Variants in BCR observed in about 807,000 individuals in gnomAD.
The protein encoded by BCR is BCR activator of RhoGEF and GTPase.
Under a neutral mutation model 138.6 loss-of-function variants are expected in BCR, and 58 were observed. The observed-to-expected ratio is 0.42, with a 90% CI of 0.34 to 0.52. The LOEUF (loss-of-function observed/expected upper bound fraction) is 0.52, where lower values mean the gene tolerates loss of function less well. Ranked by LOEUF, BCR falls within the 20% of genes least tolerant of loss-of-function variation. BCR has a pLI of 0.06. For synonymous variants in BCR, 786 were observed against 730.1 expected (o/e 1.08, Z -1.23); for missense variants, 1,599 against 1,727.2 (o/e 0.93, Z 1.32).
chr22:23,271,858 T>G (rs368691357), intron 6 of BCR, among the ~76,000 whole-genome samples: 2 of 148,670 alleles, frequency 1.3e-5, no homozygotes, highest in African/African-American at 4.9e-5. Flanking sequence ...CCCAGTGGCC[T>G]CATAAGGAGG....
chr22:23,244,858 C>G (rs181782097), intron 1 of BCR, among the ~76,000 whole-genome samples: 1 of 152,210 alleles, frequency 6.6e-6, no homozygotes, highest in Non-Finnish European at 1.5e-5. Flanking sequence ...GCCCTGCCCC[C>G]GCACCAGCCG....
chr22:23,313,532 G>C (rs1292370178), intron 20 of BCR, among the ~76,000 whole-genome samples: 2 of 152,200 alleles, frequency 1.3e-5, no homozygotes, highest in African/African-American at 4.8e-5. Context: ...TGCCCCTGTG[G>C]TGTCCAGGAC....
At chr22:23,269,624 C>T (rs553532162) in intron 5 of BCR, among the ~76,000 whole-genome samples, 1 of 152,206 alleles carries the variant, frequency 6.6e-6, no homozygotes, top group African/African-American at 2.4e-5. Context: ...GCACCCTGCT[C>T]CGCCAGGTGC....
chr22:23,212,970 C>T (rs566922666), intron 1 of BCR, among the ~76,000 whole-genome samples: 1 of 152,310 alleles, frequency 6.6e-6, no homozygotes, highest in African/African-American at 2.4e-5. Context: ...TGGGAGGCTG[C>T]CGGCCTCAAA....
chr22:23,271,809 A>C (rs1318605329), intron 6 of BCR, among the ~76,000 whole-genome samples: 1 of 152,170 alleles, frequency 6.6e-6, no homozygotes, highest in Non-Finnish European at 1.5e-5. Flanking sequence ...ATTAGCAACA[A>C]GGTGCTGCTT....
At chr22:23,237,863 C>G (rs1159335725) in intron 1 of BCR, among the ~76,000 whole-genome samples, 2 of 152,218 alleles carry the variant, frequency 1.3e-5, no homozygotes, top group Admixed American at 6.5e-5. Context: ...CAGCCTCACA[C>G]TGCATCCCCC....
At chr22:23,256,860 TG>T (rs1240467713) in intron 2 of BCR, among the ~76,000 whole-genome samples, 1 of 152,172 alleles carries the variant, frequency 6.6e-6, no homozygotes, top group African/African-American at 2.4e-5. Context: ...AAGCCCAGTT[TG>T]TTTTGTGGGT....
chr22:23,223,389 G>T (rs1294298878), intron 1 of BCR, among the ~76,000 whole-genome samples: 1 of 152,140 alleles, frequency 6.6e-6, no homozygotes, highest in Non-Finnish European at 1.5e-5. Flanking sequence ...TGGCCCATTG[G>T]GGGACAGGAG....
intron 1 of BCR, among the ~76,000 whole-genome samples, chr22:23,219,840 C>G (rs1299324710): frequency 6.6e-6 from 1 of 152,198 alleles, no homozygotes; most frequent in African/African-American, 2.4e-5. Context: ...GTTCTCTGTC[C>G]CCGACCTGCA....
Position 23,181,777 on chromosome 22 carries a change from C to G in BCR, c.817C>G (p.Pro273Ala). The change falls in exon 1 of 23, where the codon CCC (proline) becomes GCC (alanine). Residue 273 changes from proline to alanine, a missense_variant. Physicochemically the swap from Pro to Ala is conservative, Grantham distance 27 (BLOSUM62 -1). Transcript: ENST00000305877. Reference sequence around the variant, plus strand: ...TGGCGGTAGCAGGCCCCCTTGGCCGCCCCTGGAGTACCAGCCCTACCAGAG... The same window carrying G: ...TGGCGGTAGCAGGCCCCCTTGGCCGGCCCTGGAGTACCAGCCCTACCAGAG... ...ANGGSRPPWP[P>A]LEYQPYQSIY... The G allele has an allele frequency of 3.1e-6, 5 of 1,607,260 alleles. No individual in the cohort carries two copies. The highest frequency in any genetic ancestry group is 3.4e-6 in the Non-Finnish European group (4 of 1,179,978).
intron 12 of BCR, 76 bp from the exon 13 acceptor site, chr22:23,289,441 T>G (rs1010588515): frequency 8.0e-7 from 1 of 1,250,384 alleles, no homozygotes; most frequent in African/African-American, 1.5e-5. Flanking sequence ...GGGTGTGTGG[T>G]GGAGGTCCAG....
At chr22:23,292,778 G>T (rs560605549) in intron 15 of BCR, 140 bp downstream of exon 15, 24 of 641,684 alleles carry the variant, frequency 3.7e-5, no homozygotes, top group Admixed American at 2.7e-4. Context: ...ATCTCCTGGG[G>T]GGCCAGTAGG....
Position 23,256,011 on chromosome 22 carries a change from A to G in BCR, c.1461+2031A>G, listed in dbSNP as rs116559527. On this transcript the variant is annotated intron_variant, in intron 2 of 22. Transcript: ENST00000305877. Reference sequence around the variant, plus strand: ...CAGTGGTTGGGGCCCCAGGACGGGTACCCTTCACTGCTCTGGAGACAAGCA... The same window carrying G: ...CAGTGGTTGGGGCCCCAGGACGGGTGCCCTTCACTGCTCTGGAGACAAGCA... Among the ~76,000 whole-genome samples, 349 of 152,164 alleles carry G rather than the reference A, an allele frequency of 2.3e-3. 3 individuals are homozygous for G. Among genetic ancestry groups the G allele is most frequent in the African/African-American group, 8.0e-3 (333 of 41,524 alleles).
At chr22:23,263,653 G>T in intron 4 of BCR, 1 of 1,456,022 alleles carries the variant, frequency 6.9e-7, no homozygotes. Flanking sequence ...TGTCAGTGCA[G>T]GAGGAGATGG....
chr22:23,213,055 C>T (rs1002515473), intron 1 of BCR, among the ~76,000 whole-genome samples: 2 of 152,184 alleles, frequency 1.3e-5, no homozygotes, highest in African/African-American at 2.4e-5. Context: ...CGGAGTGCTG[C>T]TCCTGGGGAC....
At chr22:23,283,427 G>T (rs2073672994) in intron 8 of BCR, 1 of 152,834 alleles carries the variant, frequency 6.5e-6, no homozygotes, top group African/African-American at 2.4e-5. Flanking sequence ...AGTGCACTGG[G>T]CCTGTCTCCA....
Position 23,261,423 on chromosome 22 carries a change from C to T in BCR, c.1635C>T (p.Thr545=), listed in dbSNP as rs145536812. ...QPVLTSQQIE[T]IFFKVPELYE... is the part of the protein sequence containing the mutation. ...TGCTGACGAGTCAGCAGATCGAGAC[C>T]ATCTTCTTCAAAGTGCCTGAGCTCT... Residue 545 remains threonine (T), a synonymous_variant, in exon 4 of 23, where the codon ACC becomes ACT. Coordinates refer to ENST00000305877, the MANE Select transcript of BCR (RefSeq NM_004327.4). 2.2e-5 allele frequency: 36 copies of T among 1,613,804 alleles called. No individual in the cohort carries two copies. In the African/African-American group the frequency reaches 4.0e-4, roughly 18 times the overall value.
At chr22:23,285,757 G>A (rs1474452682) in intron 10 of BCR, among the ~76,000 whole-genome samples, 2 of 152,242 alleles carry the variant, frequency 1.3e-5, no homozygotes, top group African/African-American at 4.8e-5. Flanking sequence ...ACAAGGAGGT[G>A]CCATGAGTAG....
In BCR at chr22:23,199,942, G is replaced by A. The variant is rs564147844; in HGVS notation, c.1279+17703G>A. Among the ~76,000 whole-genome samples, 5 of 152,228 alleles carry A rather than the reference G, an allele frequency of 3.3e-5. No homozygotes were observed. The East Asian group carries it at 9.7e-4, about 29-fold the overall frequency. On this transcript the variant is annotated intron_variant, in intron 1 of 22. Transcript: ENST00000305877. ...TACTAAAAATACAAAAAAAAAATTAGCCGGGCGTGGTGGCGGGCGCCTGTA... is the reference window on the plus strand; with the variant it reads ...TACTAAAAATACAAAAAAAAAATTAACCGGGCGTGGTGGCGGGCGCCTGTA...
Sources: allele counts gnomAD v4.1 joint callset (sites outside exome capture counted in the v4.1 genomes callset), GRCh38; gene constraint gnomAD v4.1.1; transcripts MANE v1.5; gene names NCBI Gene and HGNC (gene_info 2026-07-23, HGNC 2026-07-21).